ARHGAP15: variants seen among roughly 807,000 people sequenced by gnomAD.
ARHGAP15 encodes the protein Rho GTPase activating protein 15.
In ARHGAP15, 51 loss-of-function variants were observed where a neutral mutation model predicts 63.7. The ratio of observed to expected loss-of-function variants is 0.80; its 90% CI spans 0.64 to 1.01. The LOEUF (loss-of-function observed/expected upper bound fraction) is 1.01. ARHGAP15 is among the 50% of genes least tolerant of loss of function. The probability of loss-of-function intolerance (pLI) is 0.00; values close to 1 mark genes in which losing one functional copy is unlikely to be tolerated. For missense variants in ARHGAP15, 560 were observed against 564.6 expected, an observed-to-expected ratio of 0.99 and a Z score of 0.08; for synonymous variants, 191 against 193.8, an observed-to-expected ratio of 0.99 and a Z score of 0.12.
intron 2 of ARHGAP15, among the ~76,000 whole-genome samples, chr2:143,174,857 C>T (rs961687189): frequency 2.0e-5 from 3 of 152,072 alleles, no homozygotes; most frequent in African/African-American, 7.2e-5. Flanking sequence ...TATACAAACA[C>T]AATGTATCCC....
chr2:143,688,119 A>T (rs1017543117), intron 12 of ARHGAP15, among the ~76,000 whole-genome samples: 1 of 152,182 alleles, frequency 6.6e-6, no homozygotes, highest in Non-Finnish European at 1.5e-5. Flanking sequence ...TTAATTTTAA[A>T]ACATGTGTAA....
At chr2:143,478,856 C>A (rs890367909) in intron 8 of ARHGAP15, among the ~76,000 whole-genome samples, 1 of 152,168 alleles carries the variant, frequency 6.6e-6, no homozygotes, top group Non-Finnish European at 1.5e-5. Context: ...CTCAAACTAT[C>A]TGCACATGTC....
intron 6 of ARHGAP15, among the ~76,000 whole-genome samples, chr2:143,398,073 G>C (rs1219611108): frequency 6.6e-6 from 1 of 152,006 alleles, no homozygotes; most frequent in Non-Finnish European, 1.5e-5. Flanking sequence ...CCATAACTAT[G>C]AGTCATCTTT....
At chr2:143,651,769 C>T (rs57898929) in intron 12 of ARHGAP15, among the ~76,000 whole-genome samples, 2 of 151,768 alleles carry the variant, frequency 1.3e-5, no homozygotes, top group African/African-American at 2.4e-5. Flanking sequence ...TAGGTTTGTA[C>T]AGGTATTACA....
chr2:143,714,215 C>T (rs929716614), intron 13 of ARHGAP15, among the ~76,000 whole-genome samples: 12 of 152,222 alleles, frequency 7.9e-5, no homozygotes, highest in Non-Finnish European at 5.9e-5. Flanking sequence ...CATCCACAGG[C>T]TCAACACCAC....
In ARHGAP15 at chr2:143,521,069, A is replaced by G. The variant is rs553168887; in HGVS notation, c.925+1705A>G. Among the ~76,000 whole-genome samples the G allele has an allele frequency of 3.3e-5, 5 of 152,328 alleles. No individual in the cohort carries two copies. In the East Asian group the frequency reaches 9.6e-4, roughly 29 times the overall value. ...AATGTTTTTGCTGACTGGAGCAATCACATCTAGCATTATATTTCATTGTCC... is the reference window on the plus strand; with the variant it reads ...AATGTTTTTGCTGACTGGAGCAATCGCATCTAGCATTATATTTCATTGTCC... On this transcript the variant is annotated intron_variant, in intron 10 of 13. Coordinates refer to ENST00000295095, the MANE Select transcript of ARHGAP15 (RefSeq NM_018460.4).
At chr2:143,628,477 G>C (rs1698929742) in intron 12 of ARHGAP15, among the ~76,000 whole-genome samples, 1 of 152,186 alleles carries the variant, frequency 6.6e-6, no homozygotes. Flanking sequence ...GAAAGAGAGA[G>C]AAGACAAAGG....
Position 143,250,620 on chromosome 2 carries a change from T to G in ARHGAP15, c.474+20T>G. On this transcript the variant is annotated intron_variant, in intron 6 of 13. Transcript: ENST00000295095. ...TTTCAGGTAAGAATGTTACATATAT[T>G]CAATTTATTCCTATTCTCTCTAAAT... The G allele has an allele frequency of 6.3e-7, 1 of 1,586,412 alleles. No homozygotes were observed. Among genetic ancestry groups the G allele is most frequent in the Non-Finnish European group, 8.6e-7 (1 of 1,156,332 alleles).
intron 10 of ARHGAP15, among the ~76,000 whole-genome samples, chr2:143,542,339 C>T (rs990799557): frequency 4.6e-5 from 7 of 152,076 alleles, no homozygotes; most frequent in African/African-American, 1.7e-4. Context: ...TGAGGCGATG[C>T]CTCGCCCTGC....
intron 6 of ARHGAP15, among the ~76,000 whole-genome samples, chr2:143,400,682 T>C (rs1378786441): frequency 6.6e-6 from 1 of 152,058 alleles, no homozygotes; most frequent in South Asian, 2.1e-4. Context: ...ACGTTGACTG[T>C]GCTGTCTACC....
chr2:143,369,949 A>G (rs534509233), intron 6 of ARHGAP15, among the ~76,000 whole-genome samples: 1 of 152,144 alleles, frequency 6.6e-6, no homozygotes, highest in Non-Finnish European at 1.5e-5. Context: ...ATTGGGATTC[A>G]TATCTGTTTT....
chr2:143,317,068 T>C (rs903914616), intron 6 of ARHGAP15, among the ~76,000 whole-genome samples: 2 of 152,154 alleles, frequency 1.3e-5, no homozygotes, highest in Admixed American at 1.3e-4. Context: ...AACTTTACCC[T>C]GCATTTTCCT....
At chr2:143,726,438 A>G (rs970462358) in intron 13 of ARHGAP15, among the ~76,000 whole-genome samples, 3 of 152,212 alleles carry the variant, frequency 2.0e-5, no homozygotes, top group Non-Finnish European at 2.9e-5. Context: ...AAAAAAAGAA[A>G]AAAAAAAGCT....
At chr2:143,133,608 C>T (rs576708598) in intron 1 of ARHGAP15, among the ~76,000 whole-genome samples, 1 of 152,208 alleles carries the variant, frequency 6.6e-6, no homozygotes, top group Non-Finnish European at 1.5e-5. Context: ...ATGGTTATAA[C>T]AATCTTTTTT....
chr2:143,199,507 C>T (rs371968572), intron 2 of ARHGAP15, among the ~76,000 whole-genome samples: 1 of 151,924 alleles, frequency 6.6e-6, no homozygotes, highest in East Asian at 1.9e-4. Context: ...GATTCAGCGC[C>T]CAAACTCCTT....
intron 9 of ARHGAP15, among the ~76,000 whole-genome samples, chr2:143,496,112 A>G (rs1692803640): frequency 6.6e-6 from 1 of 152,164 alleles, no homozygotes; most frequent in East Asian, 1.9e-4. Context: ...CTCGGCCTAC[A>G]AGCTTCCTGG....
chr2:143,437,316 A>T, intron 8 of ARHGAP15: 1 of 317,700 alleles, frequency 3.1e-6, no homozygotes, highest in Non-Finnish European at 5.9e-6. Flanking sequence ...TGGTGTTCAG[A>T]TCAGTGATTG....
Position 143,429,737 on chromosome 2 carries a change from C to T in ARHGAP15, c.475-5864C>T, listed in dbSNP as rs148523698. Among the ~76,000 whole-genome samples, 132 of 152,230 alleles carry T rather than the reference C, an allele frequency of 8.7e-4. 2 individuals are homozygous for T. Among genetic ancestry groups the T allele is most frequent in the Admixed American group, 3.0e-3 (46 of 15,266 alleles). On this transcript the variant is annotated intron_variant, in intron 6 of 13. Transcript: ENST00000295095. ...ATTTAGTAGCATGTGGATTTAGGAA[C>T]ATTTCACGGAGTCAGAAGAAACAGA...
At chr2:143,728,906 ATTT>A (rs1159162788) in intron 13 of ARHGAP15, among the ~76,000 whole-genome samples, 1 of 152,124 alleles carries the variant, frequency 6.6e-6, no homozygotes, top group East Asian at 1.9e-4. Context: ...AATCATTATT[ATTT>A]TTATTATTTA....
Sources: allele counts gnomAD v4.1 joint callset (sites outside exome capture counted in the v4.1 genomes callset), GRCh38; gene constraint gnomAD v4.1.1; transcripts MANE v1.5; gene names NCBI Gene and HGNC (gene_info 2026-07-23, HGNC 2026-07-21).